FAM114A1: variants seen among roughly 807,000 people sequenced by gnomAD.
FAM114A1 encodes protein NOXP20.
In FAM114A1, 62 loss-of-function variants were observed where a neutral mutation model predicts 64.3. The ratio of observed to expected loss-of-function variants is 0.96; its 90% CI spans 0.79 to 1.19. FAM114A1 has a LOEUF of 1.19. FAM114A1 is among the 50% of genes most tolerant of loss of function. FAM114A1 has a pLI of 0.00. For missense variants in FAM114A1, 645 were observed against 676.3 expected, an observed-to-expected ratio of 0.95 and a Z score of 0.51; for synonymous variants, 254 against 251.1, an observed-to-expected ratio of 1.01 and a Z score of -0.11.
intron 2 of FAM114A1, among the ~76,000 whole-genome samples, chr4:38,877,660 T>A (rs1394069509): frequency 7.1e-6 from 1 of 141,374 alleles, no homozygotes; most frequent in Non-Finnish European, 1.6e-5. Flanking sequence ...ACATAGAGTA[T>A]TGGTTAAAAA....
intron 3 of FAM114A1, among the ~76,000 whole-genome samples, chr4:38,890,413 C>CA (rs762820988): frequency 3.1e-4 from 41 of 132,122 alleles, no homozygotes; most frequent in South Asian, 1.7e-3. Context: ...AAAAAAAAAA[C>CA]AAAAAAAAAC....
intron 7 of FAM114A1, among the ~76,000 whole-genome samples, chr4:38,914,100 CA>C (rs1282466073): frequency 6.6e-6 from 1 of 151,106 alleles, no homozygotes; most frequent in Admixed American, 6.6e-5. Flanking sequence ...AACTCCATCT[CA>C]AAAAAATAAA....
chr4:38,929,453 T>A (rs1304357154), intron 10 of FAM114A1, 120 bp downstream of exon 10: 2 of 746,874 alleles, frequency 2.7e-6, no homozygotes, highest in African/African-American at 3.5e-5. Context: ...TGTGGCATAG[T>A]GCCGGGAGAG....
In FAM114A1 at chr4:38,944,718, A is replaced by G. The variant is rs1377476752; in HGVS notation, c.*1161A>G. On this transcript the variant is annotated 3_prime_UTR_variant, in exon 15 of 15. Coordinates refer to ENST00000358869, the MANE Select transcript of FAM114A1 (RefSeq NM_138389.4). ...AACCCTGTTGTGAACTGCACATGCG[A>G]GGGATCTAGGTTGTGCACTCCTTAT... The G allele has an allele frequency of 6.6e-6, 1 of 152,188 alleles. No homozygotes were observed. The highest frequency in any genetic ancestry group is 1.9e-4 in the East Asian group (1 of 5,182). The allele number at this position is 152,188 out of a possible 1,614,324, so 9.4% of individuals were successfully genotyped here.
At chr4:38,872,808 G>A (rs1413512937) in intron 2 of FAM114A1, among the ~76,000 whole-genome samples, 2 of 152,170 alleles carry the variant, frequency 1.3e-5, no homozygotes, top group East Asian at 1.9e-4. Flanking sequence ...ACTCAGCTCC[G>A]CTATTGTAGT....
At chr4:38,886,914 C>T (rs1198737514) in intron 3 of FAM114A1, among the ~76,000 whole-genome samples, 15 of 138,186 alleles carry the variant, frequency 1.1e-4, no homozygotes, top group East Asian at 6.3e-4. Context: ...GGAGACAGAG[C>T]GAGACTCCGT....
chr4:38,894,119 C>T lies in FAM114A1; in HGVS notation c.436+2289C>T, dbSNP rs117449170. On this transcript the variant is annotated intron_variant, in intron 4 of 14. Coordinates refer to ENST00000358869, the MANE Select transcript of FAM114A1 (RefSeq NM_138389.4). ...TGGAGGTTGCAGTGAACAGAGATTACGCCCCTGCACTCCAGCCTGGGCAAT... is the reference window on the plus strand; with the variant it reads ...TGGAGGTTGCAGTGAACAGAGATTATGCCCCTGCACTCCAGCCTGGGCAAT... 3.1e-3 allele frequency among the ~76,000 whole-genome samples: 452 copies of T among 144,262 alleles called. 8 individuals are homozygous for T. The East Asian group carries it at 0.051, about 16-fold the overall frequency. The allele number at this position is 144,262 out of a possible 152,430, so 94.6% of individuals were successfully genotyped here. A position where few individuals can be genotyped will look rare whatever the true frequency, so the allele number is the denominator to read the frequency against.
intron 10 of FAM114A1, among the ~76,000 whole-genome samples, chr4:38,930,999 A>G (rs767738973): frequency 2.0e-5 from 3 of 152,204 alleles, no homozygotes; most frequent in African/African-American, 4.8e-5. Context: ...TGTTAGGTTC[A>G]TGAAACATGA....
chr4:38,938,300 A>T (rs750181532), intron 13 of FAM114A1, among the ~76,000 whole-genome samples: 7 of 152,172 alleles, frequency 4.6e-5, no homozygotes, highest in Non-Finnish European at 7.4e-5. Context: ...ATGAGAAATG[A>T]CCATGGTACT....
chr4:38,903,553 T>C (rs981213732), intron 4 of FAM114A1, among the ~76,000 whole-genome samples: 6 of 152,126 alleles, frequency 3.9e-5, no homozygotes, highest in Admixed American at 2.0e-4. Flanking sequence ...TATTTCCTTT[T>C]GGAAAATGCA....
At position 38,929,130 on chromosome 4, in the gene FAM114A1, G is replaced by T. The variant is rs1354023728; in HGVS notation, c.1070-112G>T. The T allele has an allele frequency of 8.7e-6, 7 of 806,564 alleles. No homozygotes were observed. The East Asian group carries it at 1.3e-4, about 15-fold the overall frequency. 50.0% of individuals were successfully genotyped at this position (806,564 alleles called of 1,614,324 possible). Reference sequence around the variant, plus strand: ...TTGCCCAGCGGCTGGCGGGCAGGCTGCTACAACCTCCACTTAGTCTACCCC... The same window carrying T: ...TTGCCCAGCGGCTGGCGGGCAGGCTTCTACAACCTCCACTTAGTCTACCCC... On this transcript the variant is annotated intron_variant, in intron 9 of 14. Transcript: ENST00000358869.
At position 38,908,709 on chromosome 4, in the gene FAM114A1, A is replaced by C. The variant is rs1279134642; in HGVS notation, c.775A>C (p.Thr259Pro). 1.2e-6 allele frequency: 2 copies of C among 1,605,210 alleles called. No individual in the cohort carries two copies. Among genetic ancestry groups the C allele is most frequent in the African/African-American group, 1.3e-5 (1 of 74,846 alleles). The change falls in exon 7 of 15, where the codon ACT (threonine) becomes CCT (proline). Residue 259 changes from threonine (T) to proline (P), a missense_variant. Physicochemically the swap from Thr to Pro is conservative, Grantham distance 38 (BLOSUM62 -1). Coordinates refer to ENST00000358869, the MANE Select transcript of FAM114A1 (RefSeq NM_138389.4). The part of the protein sequence containing the change: ...FKRTKTLMER[T>P]VSLSQMLREA... Reference sequence around the variant, plus strand: ...GCGGACCAAGACGCTCATGGAGAGAACTGTTTCCTTGTCTCAGGTTGGATT... The same window carrying C: ...GCGGACCAAGACGCTCATGGAGAGACCTGTTTCCTTGTCTCAGGTTGGATT...
In FAM114A1 at chr4:38,922,789, C is replaced by T. The variant is rs1719731142; in HGVS notation, c.965C>T (p.Ser322Leu). 1 of 1,610,594 alleles carries T rather than the reference C, an allele frequency of 6.2e-7. No individual in the cohort carries two copies. Among genetic ancestry groups the T allele is most frequent in the African/African-American group, 1.3e-5 (1 of 74,688 alleles). Residue 322 changes from serine (S) to leucine (L), a missense_variant, in exon 9 of 15, where the codon TCA becomes TTA. Transcript: ENST00000358869. Reference protein sequence around the residue: ...SESKVQSFLASLDGEKLELLK... With the variant: ...SESKVQSFLALLDGEKLELLK... The stretch of plus-strand genomic sequence containing the variant: ...TTTCAGGTTCAGTCATTTTTAGCAT[C>T]ACTTGATGGAGAGAAGCTGGAACTC...
chr4:38,943,632 C>G lies in FAM114A1; in HGVS notation c.*75C>G. ...AATATGTACCATTTAAGGGGATGTT[C>G]TCTGTGCGCCTGGCCACAGACATCC... On this transcript the variant is annotated 3_prime_UTR_variant, in exon 15 of 15. Coordinates refer to ENST00000358869, the MANE Select transcript of FAM114A1 (RefSeq NM_138389.4). 4.7e-6 allele frequency: 6 copies of G among 1,269,674 alleles called. No individual in the cohort carries two copies. Among genetic ancestry groups the G allele is most frequent in the Non-Finnish European group, 6.9e-6 (6 of 875,010 alleles). The allele number at this position is 1,269,674 out of a possible 1,614,324, so 78.7% of individuals were successfully genotyped here. A position where few individuals can be genotyped will look rare whatever the true frequency, so the allele number is the denominator to read the frequency against.
At chr4:38,906,471 C>T (rs1718017598) in intron 6 of FAM114A1, among the ~76,000 whole-genome samples, 1 of 152,132 alleles carries the variant, frequency 6.6e-6, no homozygotes, top group African/African-American at 2.4e-5. Flanking sequence ...AAAGGGGAGG[C>T]ACCTCAACTG....
intron 10 of FAM114A1, among the ~76,000 whole-genome samples, chr4:38,930,430 G>C (rs1284466319): frequency 6.6e-6 from 1 of 152,128 alleles, no homozygotes; most frequent in Non-Finnish European, 1.5e-5. Context: ...GCAGGTCAGT[G>C]ACTTGAACAC....
In FAM114A1 at chr4:38,937,882, G is replaced by A. The variant is rs371603159; in HGVS notation, c.1536+2092G>A. Among the ~76,000 whole-genome samples the A allele has an allele frequency of 1.6e-3, 246 of 152,014 alleles. 11 individuals carry two copies. In the South Asian group the frequency reaches 0.045, roughly 28 times the overall value. ...CCTGAGTAGCTGGGATTACAGGTGC[G>A]GGCCACCACTCCCAGCTAATTTTTT... On this transcript the variant is annotated intron_variant, in intron 13 of 14. Coordinates refer to ENST00000358869, the MANE Select transcript of FAM114A1 (RefSeq NM_138389.4).
At chr4:38,871,475 ATATTT>A (rs1410630444) in intron 2 of FAM114A1, among the ~76,000 whole-genome samples, 1 of 152,118 alleles carries the variant, frequency 6.6e-6, no homozygotes. Context: ...TAATCTATAA[ATATTT>A]TAAATAATAA....
At chr4:38,933,142 A>G (rs536237143) in intron 12 of FAM114A1, among the ~76,000 whole-genome samples, 7 of 152,228 alleles carry the variant, frequency 4.6e-5, no homozygotes, top group African/African-American at 1.7e-4. Flanking sequence ...GTGAGCCACC[A>G]CGCCTAGCCA....
Sources: allele counts gnomAD v4.1 joint callset (sites outside exome capture counted in the v4.1 genomes callset), GRCh38; gene constraint gnomAD v4.1.1; transcripts MANE v1.5; gene names NCBI Gene and HGNC (gene_info 2026-07-23, HGNC 2026-07-21).